The following AKAP6 variants were observed in gnomAD, a reference collection of about 807,000 sequenced individuals.
The protein encoded by AKAP6 is A-kinase anchoring protein 6.
A neutral mutation model predicts 188.5 loss-of-function variants in AKAP6; 58 were observed. The observed-to-expected ratio is 0.31, with a 90% CI of 0.25 to 0.38. The LOEUF is 0.38. Ranked by LOEUF, AKAP6 falls within the 10% of genes least tolerant of loss-of-function variation. AKAP6 has a pLI of 1.00. For synonymous variants in AKAP6, 989 were observed against 998.6 expected (o/e 0.99, Z 0.18); for missense variants, 2,710 against 2,740.0 (o/e 0.99, Z 0.24).
chr14:32,699,256 A>G (rs760023205), intron 9 of AKAP6, among the ~76,000 whole-genome samples: 1 of 152,176 alleles, frequency 6.6e-6, no homozygotes, highest in Non-Finnish European at 1.5e-5. Flanking sequence ...TGTATGAAAT[A>G]CAGAAACCCT....
At chr14:32,601,985 G>A (rs1308677994) in intron 7 of AKAP6, among the ~76,000 whole-genome samples, 1 of 152,180 alleles carries the variant, frequency 6.6e-6, no homozygotes. Flanking sequence ...CCTCCATGAA[G>A]AAGGTTGCAT....
chr14:32,528,370 T>C (rs1278770521), intron 2 of AKAP6, among the ~76,000 whole-genome samples: 1 of 152,032 alleles, frequency 6.6e-6, no homozygotes, highest in Non-Finnish European at 1.5e-5. Flanking sequence ...ATGTCTAGGA[T>C]TATCATTATT....
chr14:32,715,057 A>C (rs2030113207), intron 9 of AKAP6, among the ~76,000 whole-genome samples: 1 of 151,902 alleles, frequency 6.6e-6, no homozygotes, highest in South Asian at 2.1e-4. Flanking sequence ...TATATGGTCG[A>C]AGGCAGATTC....
intron 7 of AKAP6, among the ~76,000 whole-genome samples, chr14:32,646,704 T>C (rs1402645137): frequency 6.6e-6 from 1 of 152,150 alleles, no homozygotes; most frequent in African/African-American, 2.4e-5. Context: ...TCGGGCTTCA[T>C]ATGTCTTTCT....
At chr14:32,486,448 G>A (rs903338022) in intron 2 of AKAP6, among the ~76,000 whole-genome samples, 9 of 152,096 alleles carry the variant, frequency 5.9e-5, no homozygotes, top group Non-Finnish European at 1.3e-4. Flanking sequence ...CTATCCAAGA[G>A]CATGGAATGT....
intron 12 of AKAP6, among the ~76,000 whole-genome samples, chr14:32,793,757 G>T (rs1201161685): frequency 6.7e-6 from 1 of 150,340 alleles, no homozygotes; most frequent in Non-Finnish European, 1.5e-5. Context: ...AAAAGACAAA[G>T]AAGGGCATTA....
chr14:32,483,173 T>C (rs1261866811), intron 2 of AKAP6, among the ~76,000 whole-genome samples: 16 of 152,146 alleles, frequency 1.1e-4, no homozygotes, highest in Admixed American at 1.0e-3. Flanking sequence ...GGTATTTCAG[T>C]GTGATTTAAT....
intron 5 of AKAP6, among the ~76,000 whole-genome samples, chr14:32,582,996 G>A (rs1885051377): frequency 6.6e-6 from 1 of 152,232 alleles, no homozygotes; most frequent in South Asian, 2.1e-4. Flanking sequence ...ACTTGTGAAA[G>A]TCATTCTCCT....
chr14:32,744,224 C>A (rs1172261498), intron 11 of AKAP6, among the ~76,000 whole-genome samples: 2 of 151,916 alleles, frequency 1.3e-5, no homozygotes, highest in African/African-American at 4.8e-5. Flanking sequence ...TTATCCTTGA[C>A]CTTTGGGAGT....
intron 2 of AKAP6, among the ~76,000 whole-genome samples, chr14:32,449,899 C>T (rs1382415949): frequency 6.6e-6 from 1 of 152,136 alleles, no homozygotes; most frequent in Non-Finnish European, 1.5e-5. Context: ...GCAATAAAAG[C>T]TTGATGCCTC....
At chr14:32,364,327 T>G (rs1373043154) in intron 1 of AKAP6, among the ~76,000 whole-genome samples, 1 of 152,218 alleles carries the variant, frequency 6.6e-6, no homozygotes, top group African/African-American at 2.4e-5. Context: ...AACCTCATAT[T>G]ACATTTTACC....
At chr14:32,596,681 T>A (rs1885716719) in intron 5 of AKAP6, among the ~76,000 whole-genome samples, 1 of 152,198 alleles carries the variant, frequency 6.6e-6, no homozygotes, top group Admixed American at 6.5e-5. Context: ...GAGAATGCTC[T>A]GCATTTTCAG....
At chr14:32,800,059 C>CTATATATATATATATA (rs1305584690) in intron 12 of AKAP6, among the ~76,000 whole-genome samples, 3 of 111,374 alleles carry the variant, frequency 2.7e-5, no homozygotes, top group Non-Finnish European at 5.6e-5. Flanking sequence ...CTCTCTCTCT[C>CTATATATATATATATA]TCTATATATA....
At chr14:32,659,990 A>G (rs1888617817) in intron 7 of AKAP6, among the ~76,000 whole-genome samples, 2 of 151,816 alleles carry the variant, frequency 1.3e-5, no homozygotes, top group South Asian at 2.1e-4. Flanking sequence ...TGCTATTGGC[A>G]TGCTGGTTAA....
At chr14:32,391,104 A>T (rs929854184) in intron 1 of AKAP6, among the ~76,000 whole-genome samples, 1 of 152,166 alleles carries the variant, frequency 6.6e-6, no homozygotes. Flanking sequence ...TCAATGACAC[A>T]AGACCAGGTG....
At chr14:32,662,567 C>T (rs1458187115) in intron 7 of AKAP6, among the ~76,000 whole-genome samples, 1 of 152,040 alleles carries the variant, frequency 6.6e-6, no homozygotes, top group East Asian at 1.9e-4. Context: ...AAATGTGGTC[C>T]AGAGGCTTGT....
intron 7 of AKAP6, among the ~76,000 whole-genome samples, chr14:32,661,521 A>G (rs993643486): frequency 6.6e-6 from 1 of 152,136 alleles, no homozygotes; most frequent in African/African-American, 2.4e-5. Flanking sequence ...GTTTCGATTA[A>G]GTCCAAGACT....
intron 4 of AKAP6, among the ~76,000 whole-genome samples, chr14:32,555,564 C>T (rs1883650675): frequency 6.6e-6 from 1 of 152,120 alleles, no homozygotes; most frequent in Non-Finnish European, 1.5e-5. Context: ...TCTTGCAAAC[C>T]TGAAACTCTA....
At chr14:32,710,587 A>G (rs1891005949) in intron 9 of AKAP6, among the ~76,000 whole-genome samples, 3 of 152,102 alleles carry the variant, frequency 2.0e-5, no homozygotes, top group Middle Eastern at 3.4e-3. Context: ...GAGGTTGAGA[A>G]CAAGGGTGCG....
Sources: gnomAD v4.1 joint callset for allele counts (sites outside exome capture counted in the v4.1 genomes callset) on GRCh38, gnomAD v4.1.1 for gene constraint, MANE v1.5 for transcripts, NCBI Gene and HGNC (gene_info 2026-07-23, HGNC 2026-07-21) for gene names.